EDIL3: variants seen among roughly 807,000 people sequenced by gnomAD.
EDIL3 encodes the protein EGF like and discoidin domains 3.
A neutral mutation model predicts 67.4 loss-of-function variants in EDIL3; 37 were observed. The ratio of observed to expected loss-of-function variants is 0.55; its 90% CI spans 0.42 to 0.72. The LOEUF is 0.72. Among genes scored for constraint, EDIL3 ranks in the 30% least tolerant of loss-of-function variants. The pLI is 0.00. For missense variants in EDIL3, 527 were observed against 586.3 expected (o/e 0.90, Z 1.04); for synonymous variants, 195 against 196.3 (o/e 0.99, Z 0.05).
intron 2 of EDIL3, among the ~76,000 whole-genome samples, chr5:84,237,834 G>A (rs1744709926): frequency 6.6e-6 from 1 of 151,974 alleles, no homozygotes; most frequent in African/African-American, 2.4e-5. Context: ...CCATTTTCCT[G>A]TGAATGTTAC....
Position 84,073,866 on chromosome 5 carries a change from C to A in EDIL3, c.652-7260G>T, listed in dbSNP as rs536439798. ...AAACTACTTTAAAGTTCATATGGAA[C>A]CAAAAAAGAGCCTGCATTGCCAAGT... On this transcript the variant is annotated intron_variant, in intron 6 of 10. Coordinates refer to ENST00000296591, the MANE Select transcript of EDIL3 (RefSeq NM_005711.5). Among the ~76,000 whole-genome samples, 1,029 of 152,088 alleles carry A rather than the reference C, an allele frequency of 6.8e-3. 8 individuals carry two copies. Among genetic ancestry groups the A allele is most frequent in the African/African-American group, 0.023 (974 of 41,480 alleles).
intron 1 of EDIL3, among the ~76,000 whole-genome samples, chr5:84,368,906 CA>C (rs1747791668): frequency 6.6e-6 from 1 of 151,326 alleles, no homozygotes; most frequent in African/African-American, 2.4e-5. Flanking sequence ...AAATGCAAGT[CA>C]AAACTAAAAT....
At chr5:84,004,677 C>T (rs1203486364) in intron 9 of EDIL3, among the ~76,000 whole-genome samples, 1 of 152,026 alleles carries the variant, frequency 6.6e-6, no homozygotes, top group East Asian at 1.9e-4. Flanking sequence ...CTCTGGGACA[C>T]AGCTAAGGTA....
At chr5:84,344,639 A>G (rs911044906) in intron 1 of EDIL3, among the ~76,000 whole-genome samples, 2 of 152,118 alleles carry the variant, frequency 1.3e-5, no homozygotes, top group African/African-American at 4.8e-5. Flanking sequence ...TTAGAATAAA[A>G]CAAAAATGTA....
chr5:83,975,941 C>A (rs536562517), intron 9 of EDIL3, among the ~76,000 whole-genome samples: 1 of 151,846 alleles, frequency 6.6e-6, no homozygotes, highest in Non-Finnish European at 1.5e-5. Flanking sequence ...TTTTGACATG[C>A]CTTTCCAATT....
chr5:84,194,174 A>G (rs1743648405), intron 3 of EDIL3, among the ~76,000 whole-genome samples: 1 of 151,972 alleles, frequency 6.6e-6, no homozygotes, highest in African/African-American at 2.4e-5. Context: ...GTAAAAGAGT[A>G]CACTGAGAAA....
At chr5:84,333,977 A>C (rs964496676) in intron 1 of EDIL3, among the ~76,000 whole-genome samples, 3 of 152,148 alleles carry the variant, frequency 2.0e-5, no homozygotes, top group African/African-American at 7.2e-5. Flanking sequence ...GAAGGTCAAA[A>C]GTAGGTACCA....
intron 5 of EDIL3, 38 bp downstream of exon 5, chr5:84,137,203 A>ACT (rs1319273040): frequency 2.7e-6 from 4 of 1,456,598 alleles, no homozygotes; most frequent in East Asian, 4.6e-5. Flanking sequence ...ACACACACAC[A>ACT]CACACACACA....
rs780835174 is a variant in EDIL3 at position 84,384,351 on chromosome 5, C to G, written c.24G>C (p.Trp8Cys). Residue 8 changes from tryptophan (W) to cysteine (C), a missense_variant, in exon 1 of 11, where the codon TGG (tryptophan) becomes TGC (cysteine). Trp to Cys is a radical substitution (Grantham distance 215, BLOSUM62 -2). Coordinates refer to ENST00000296591, the MANE Select transcript of EDIL3 (RefSeq NM_005711.5). MKRSVAV[W>C]LLVGLSLGVP... ...CACCGAGGCTGAGCCCGACCAAGAG[C>G]CAGACGGCTACCGAGCGCTTCATGA... is the stretch of plus-strand genomic sequence containing the variant. 5 of 1,612,586 alleles carry G rather than the reference C, an allele frequency of 3.1e-6. No individual in the cohort carries two copies. The highest frequency in any genetic ancestry group is 4.2e-6 in the Non-Finnish European group (5 of 1,179,386).
At position 84,227,972 on chromosome 5, in the gene EDIL3, T is replaced by C. The variant is rs192615064; in HGVS notation, c.226+1883A>G. Reference sequence around the variant, plus strand: ...GGTTGAAAATCTACCTATTGGATACTATCCTCCCTACCTGGATGCAATATA... The same window carrying C: ...GGTTGAAAATCTACCTATTGGATACCATCCTCCCTACCTGGATGCAATATA... On this transcript the variant is annotated intron_variant, in intron 3 of 10. Coordinates refer to ENST00000296591, the MANE Select transcript of EDIL3 (RefSeq NM_005711.5). 3.2e-3 allele frequency among the ~76,000 whole-genome samples: 488 copies of C among 152,142 alleles called. 4 individuals carry two copies. The highest frequency in any genetic ancestry group is 3.1e-3 in the Non-Finnish European group (210 of 67,936).
intron 9 of EDIL3, among the ~76,000 whole-genome samples, chr5:84,033,726 A>G (rs1745969611): frequency 6.7e-6 from 1 of 149,808 alleles, no homozygotes; most frequent in Non-Finnish European, 1.5e-5. Flanking sequence ...AAAAAAAAAA[A>G]TGGAAAAAAG....
At chr5:83,967,368 T>C (rs1202177181) in intron 9 of EDIL3, among the ~76,000 whole-genome samples, 1 of 152,098 alleles carries the variant, frequency 6.6e-6, no homozygotes, top group Non-Finnish European at 1.5e-5. Context: ...ATTATGCATC[T>C]CTATTTTAAT....
At chr5:84,305,090 C>A (rs894281841) in intron 1 of EDIL3, among the ~76,000 whole-genome samples, 1 of 151,950 alleles carries the variant, frequency 6.6e-6, no homozygotes, top group Non-Finnish European at 1.5e-5. Context: ...AAATCAACTT[C>A]GGTATAAGAA....
chr5:84,311,828 T>C (rs1746395477), intron 1 of EDIL3, among the ~76,000 whole-genome samples: 1 of 152,180 alleles, frequency 6.6e-6, no homozygotes, highest in South Asian at 2.1e-4. Context: ...TTAATCCATT[T>C]AACCCTGAGT....
chr5:84,356,366 C>T (rs1747480079), intron 1 of EDIL3, among the ~76,000 whole-genome samples: 1 of 152,208 alleles, frequency 6.6e-6, no homozygotes, highest in Admixed American at 6.5e-5. Flanking sequence ...GGGGAACATG[C>T]TTTTCCATCA....
intron 8 of EDIL3, among the ~76,000 whole-genome samples, chr5:84,061,280 G>A (rs16900866): frequency 1.3e-5 from 2 of 151,928 alleles, no homozygotes; most frequent in African/African-American, 4.8e-5. Context: ...AGTTTAATAC[G>A]GTAAAAATTT....
chr5:83,960,103 C>T (rs1744581419), intron 10 of EDIL3, among the ~76,000 whole-genome samples: 1 of 150,876 alleles, frequency 6.6e-6, no homozygotes, highest in African/African-American at 2.4e-5. Context: ...AAATAATAAA[C>T]TTAGGCTTTT....
At chr5:84,176,181 A>T (rs1212357460) in intron 4 of EDIL3, among the ~76,000 whole-genome samples, 14 of 86,480 alleles carry the variant, frequency 1.6e-4, no homozygotes, top group South Asian at 4.3e-4. Flanking sequence ...AGTGGTAAAA[A>T]ATATATATAT....
chr5:84,191,639 T>C (rs890577749), intron 3 of EDIL3, among the ~76,000 whole-genome samples: 2 of 152,044 alleles, frequency 1.3e-5, no homozygotes, highest in Admixed American at 1.3e-4. Flanking sequence ...AAACAGAACA[T>C]AATGACTGCT....
Sources: gnomAD v4.1 joint callset for allele counts (sites outside exome capture counted in the v4.1 genomes callset) on GRCh38, gnomAD v4.1.1 for gene constraint, MANE v1.5 for transcripts, NCBI Gene and HGNC (gene_info 2026-07-23, HGNC 2026-07-21) for gene names.